ACADL: variants seen among roughly 807,000 people sequenced by gnomAD.
ACADL encodes the protein long-chain specific acyl-CoA dehydrogenase, mitochondrial.
A neutral mutation model predicts 56.9 loss-of-function variants in ACADL; 60 were observed. That is an observed-to-expected ratio of 1.05 (90% CI 0.86 to 1.31). ACADL has a LOEUF of 1.31. ACADL is among the 50% of genes most tolerant of loss of function. ACADL has a pLI of 0.00. For synonymous variants in ACADL, 158 were observed against 179.7 expected, an observed-to-expected ratio of 0.88 and a Z score of 0.97; for missense variants, 484 against 525.5, an observed-to-expected ratio of 0.92 and a Z score of 0.77.
chr2:210,195,737 TTTTC>T (rs1274076033), intron 8 of ACADL, among the ~76,000 whole-genome samples: 2 of 152,164 alleles, frequency 1.3e-5, no homozygotes, highest in African/African-American at 4.8e-5. Context: ...TTGAAGATTT[TTTTC>T]TTTATTAATG....
At chr2:210,195,780 G>A (rs1688701889) in intron 8 of ACADL, among the ~76,000 whole-genome samples, 1 of 152,056 alleles carries the variant, frequency 6.6e-6, no homozygotes, top group African/African-American at 2.4e-5. Flanking sequence ...TTGCTACTCT[G>A]CTTCTAACAT....
At position 210,210,257 on chromosome 2, in the gene ACADL, A is replaced by T. The variant is rs1295342067; in HGVS notation, c.542T>A (p.Leu181Ter). Reference protein sequence around the residue: ...AMTEPGAGSDLQGIKTNAKKD... With the variant: ...AMTEPGAGSD ...TTTAGCATTTGTTTTTATTCCCTGT[A>T]AGTCACTGTAATTGAAAGAAAAGAT... is the stretch of plus-strand genomic sequence containing the variant. Residue 181 changes from leucine (L) to a stop codon, truncating the protein, a stop_gained, in exon 5 of 11, where the codon TTA becomes TAA. Coordinates refer to ENST00000233710, the MANE Select transcript of ACADL (RefSeq NM_001608.4). LOFTEE classifies it high-confidence loss of function. The T allele has an allele frequency of 1.9e-6, 3 of 1,606,728 alleles. No individual in the cohort carries two copies. Among genetic ancestry groups the T allele is most frequent in the Non-Finnish European group, 2.6e-6 (3 of 1,174,058 alleles).
intron 8 of ACADL, among the ~76,000 whole-genome samples, chr2:210,199,338 T>C (rs968712031): frequency 2.6e-5 from 4 of 152,140 alleles, no homozygotes; most frequent in African/African-American, 7.2e-5. Flanking sequence ...CTATCAATAA[T>C]GTGACCTGTG....
At chr2:210,224,696 G>A (rs1689236814) in intron 1 of ACADL, 2 of 986,412 alleles carry the variant, frequency 2.0e-6, no homozygotes, top group Non-Finnish European at 2.4e-6. Context: ...GGTCCGCGCC[G>A]CAGCCCGGGC....
chr2:210,209,997 T>G (rs972770018), intron 5 of ACADL, 199 bp downstream of exon 5: 2 of 523,654 alleles, frequency 3.8e-6, no homozygotes, highest in African/African-American at 3.8e-5. Context: ...TGAGGGGGCA[T>G]GCAAAATGAA....
intron 10 of ACADL, among the ~76,000 whole-genome samples, chr2:210,191,423 C>T (rs1048583255): frequency 6.6e-6 from 1 of 151,998 alleles, no homozygotes; most frequent in Non-Finnish European, 1.5e-5. Context: ...GAGTTGACTC[C>T]GAGAAAACAG....
chr2:210,206,742 G>C (rs950982913), intron 5 of ACADL, among the ~76,000 whole-genome samples: 2 of 152,018 alleles, frequency 1.3e-5, no homozygotes, highest in African/African-American at 4.8e-5. Context: ...CACGGCTTGA[G>C]TCACCCTCTA....
At chr2:210,189,223 T>TAA (rs11403691) in intron 10 of ACADL, among the ~76,000 whole-genome samples, 169 bp from the exon 11 acceptor site, 97 of 151,934 alleles carry the variant, frequency 6.4e-4, no homozygotes, top group African/African-American at 8.5e-4. Context: ...GGAATAATAG[T>TAA]AAAAAAAACT....
At position 210,220,802 on chromosome 2, in the gene ACADL, T is replaced by A. The variant is rs141512277; in HGVS notation, c.78A>T (p.Arg26=). 1 of 1,594,318 alleles carries A rather than the reference T, an allele frequency of 6.3e-7. No individual in the cohort carries two copies. Among genetic ancestry groups the A allele is most frequent in the Non-Finnish European group, 8.6e-7 (1 of 1,168,302 alleles). The change falls in exon 2 of 11, where the codon CGA becomes CGT. Residue 26 remains arginine, a splice_region_variant and synonymous_variant. Coordinates refer to ENST00000233710, the MANE Select transcript of ACADL (RefSeq NM_001608.4). The stretch of plus-strand genomic sequence containing the variant: ...GTTCTTCCCCTCCGGAATGAGAACA[T>A]CTTAAAAATATATATATGCAATAGG... The part of the protein sequence containing the change: ...HRAPRQLPAA[R]CSHSGGEERL...
At chr2:210,195,086 G>T in intron 9 of ACADL, 125 bp downstream of exon 9, 1 of 1,240,334 alleles carries the variant, frequency 8.1e-7, no homozygotes, top group Non-Finnish European at 1.2e-6. Context: ...TTAAAGTGGA[G>T]TCTCACTTTT....
At chr2:210,218,145 T>G in intron 2 of ACADL, 43 bp from the exon 3 acceptor site, 1 of 1,528,938 alleles carries the variant, frequency 6.5e-7, no homozygotes, top group African/African-American at 1.4e-5. Flanking sequence ...TTTTTAAATA[T>G]TATTTAAATG....
chr2:210,225,378 T>C lies in ACADL; in HGVS notation c.-115A>G. 8.0e-7 allele frequency: 1 copy of C among 1,255,512 alleles called. No homozygotes were observed. The highest frequency in any genetic ancestry group is 1.1e-6 in the Non-Finnish European group (1 of 925,954). 77.8% of individuals were successfully genotyped at this position (1,255,512 alleles called of 1,614,324 possible). A position where few individuals can be genotyped will look rare whatever the true frequency, so the allele number is the denominator to read the frequency against. ...GCTGAGGCGTCCACCTGTGGTGTCC[T>C]CCCAAAAAAGCGCTCGCGCGCGCCC... On this transcript the variant is annotated 5_prime_UTR_variant, in exon 1 of 11. Transcript: ENST00000233710.
intron 8 of ACADL, among the ~76,000 whole-genome samples, chr2:210,200,693 A>G (rs181250178): frequency 8.5e-5 from 13 of 152,304 alleles, no homozygotes; most frequent in Admixed American, 5.2e-4. Flanking sequence ...AAGAAAAGTT[A>G]GGATGTAAAG....
chr2:210,189,104 TA>T, intron 10 of ACADL, 50 bp from the exon 11 acceptor site: 2 of 1,381,416 alleles, frequency 1.4e-6, no homozygotes, highest in Non-Finnish European at 2.1e-6. Flanking sequence ...TTAGAAACTG[TA>T]AATTTTGTCT....
In ACADL at chr2:210,217,981, T is replaced by C. The variant is rs1247611733; in HGVS notation, c.355A>G (p.Ile119Val). 3 of 1,613,908 alleles carry C rather than the reference T, an allele frequency of 1.9e-6. No homozygotes were observed. Among genetic ancestry groups the C allele is most frequent in the African/African-American group, 1.3e-5 (1 of 74,908 alleles). ...CATACTTACTGCTCCTCCCAGACAATAGCTGCGGAGTACAGATCCCCTCCA... is the reference window on the plus strand; with the variant it reads ...CATACTTACTGCTCCTCCCAGACAACAGCTGCGGAGTACAGATCCCCTCCA... Reference protein sequence around the residue: ...GIGGDLYSAAIVWEEQAYSNC... With the variant: ...GIGGDLYSAAVVWEEQAYSNC... Residue 119 changes from isoleucine (I) to valine (V), a missense_variant, in exon 3 of 11, where the codon ATT becomes GTT. Ile to Val is a conservative substitution (Grantham distance 29, BLOSUM62 3). Transcript: ENST00000233710.
At chr2:210,196,929 A>G (rs746407478) in intron 8 of ACADL, among the ~76,000 whole-genome samples, 1 of 152,222 alleles carries the variant, frequency 6.6e-6, no homozygotes, top group African/African-American at 2.4e-5. Context: ...GGTGGGACAC[A>G]TTCTCAGAAG....
intron 4 of ACADL, among the ~76,000 whole-genome samples, chr2:210,213,015 T>C (rs1436285458): frequency 6.6e-6 from 1 of 152,208 alleles, no homozygotes; most frequent in Non-Finnish European, 1.5e-5. Flanking sequence ...TGGCTTATGC[T>C]GAATACCTGC....
chr2:210,211,168 C>CAT (rs1478319586), intron 4 of ACADL, among the ~76,000 whole-genome samples: 2 of 152,052 alleles, frequency 1.3e-5, no homozygotes, highest in Non-Finnish European at 2.9e-5. Flanking sequence ...CATAACTATA[C>CAT]ATATATATGC....
intron 1 of ACADL, among the ~76,000 whole-genome samples, chr2:210,222,785 C>A (rs185087005): frequency 6.6e-6 from 1 of 152,082 alleles, no homozygotes; most frequent in African/African-American, 2.4e-5. Context: ...TAACAGGGGA[C>A]CAGGACATGC....
Sources: gnomAD v4.1 joint callset for allele counts (sites outside exome capture counted in the v4.1 genomes callset) on GRCh38, gnomAD v4.1.1 for gene constraint, MANE v1.5 for transcripts, NCBI Gene and HGNC (gene_info 2026-07-23, HGNC 2026-07-21) for gene names.